The following ARHGAP32 variants were observed in gnomAD, a reference collection of about 807,000 sequenced individuals.
ARHGAP32 encodes Rho GTPase activating protein 32.
A neutral mutation model predicts 186.5 loss-of-function variants in ARHGAP32; 51 were observed. The observed-to-expected ratio is 0.27, with a 90% CI of 0.22 to 0.35. ARHGAP32 has a LOEUF of 0.35. ARHGAP32 is among the 10% of genes least tolerant of loss of function. The probability of loss-of-function intolerance (pLI) is 1.00; values close to 1 mark genes in which losing one functional copy is unlikely to be tolerated. For missense variants in ARHGAP32, 2,186 were observed against 2,623.5 expected, an observed-to-expected ratio of 0.83 and a Z score of 3.64; for synonymous variants, 950 against 964.3, an observed-to-expected ratio of 0.99 and a Z score of 0.27.
In ARHGAP32 at chr11:129,085,823, C is replaced by G. The variant is rs186122053; in HGVS notation, c.531+7798G>C. Among the ~76,000 whole-genome samples, 1,211 of 151,930 alleles carry G rather than the reference C, an allele frequency of 8.0e-3. 8 individuals are homozygous for G. The highest frequency in any genetic ancestry group is 0.031 in the South Asian group (149 of 4,820). On this transcript the variant is annotated intron_variant, in intron 6 of 22. Coordinates refer to ENST00000682385, the MANE Select transcript of ARHGAP32 (RefSeq NM_001378024.1). ...CCTGGCTAACATGGTGAAACCCTGT[C>G]GCTACTAAAAATACAAAAAAATTAG...
Position 129,184,989 on chromosome 11 carries a change from G to GAC in ARHGAP32, c.116+7092_116+7093dup, listed in dbSNP as rs542407475. Among the ~76,000 whole-genome samples, 632 of 152,170 alleles carry GAC rather than the reference G, an allele frequency of 4.2e-3. 3 individuals carry two copies. Among genetic ancestry groups the GAC allele is most frequent in the South Asian group, 0.023 (110 of 4,828 alleles). ...AGAAGCAACATAAACACTAAACAAT[G>GAC]ACACACTGTTGGTGGGACTGTAAAC... On this transcript the variant is annotated intron_variant, in intron 1 of 22. Transcript: ENST00000682385.
chr11:129,080,069 T>C (rs766795091), intron 6 of ARHGAP32, among the ~76,000 whole-genome samples: 10 of 152,116 alleles, frequency 6.6e-5, no homozygotes, highest in African/African-American at 1.9e-4. Context: ...CCTAAATATA[T>C]ATGCACCTAA....
At chr11:129,010,793 C>A (rs1018824829) in intron 11 of ARHGAP32, among the ~76,000 whole-genome samples, 1 of 152,144 alleles carries the variant, frequency 6.6e-6, no homozygotes, top group Admixed American at 6.5e-5. Flanking sequence ...GTAAAAGCTT[C>A]TGATTTCTGT....
chr11:129,200,689 G>C (rs779077973), intron 1 of ARHGAP32, among the ~76,000 whole-genome samples: 2 of 151,976 alleles, frequency 1.3e-5, no homozygotes, highest in Non-Finnish European at 2.9e-5. Context: ...TCTCAGTTTC[G>C]TAATCTCTAA....
At chr11:129,193,575 T>TATATATTATATATATTATATA (rs1565464566), upstream of ARHGAP32, among the ~76,000 whole-genome samples, 2 of 54,028 alleles carry the variant, frequency 3.7e-5, no homozygotes, top group Non-Finnish European at 3.3e-5. Flanking sequence ...ATATAATATA[T>TATATATTATATATATTATATA]ATATATTATA....
At chr11:129,200,506 T>A (rs1372912282) in intron 1 of ARHGAP32, among the ~76,000 whole-genome samples, 1 of 152,202 alleles carries the variant, frequency 6.6e-6, no homozygotes, top group Non-Finnish European at 1.5e-5. Flanking sequence ...CTTTCTCTTG[T>A]CTGCTCCCAC....
intron 10 of ARHGAP32, among the ~76,000 whole-genome samples, chr11:129,056,198 T>A (rs1050748498): frequency 6.6e-6 from 1 of 151,888 alleles, no homozygotes; most frequent in African/African-American, 2.4e-5. Context: ...GTGAGGGGAG[T>A]GGGCAGGGGT....
intron 21 of ARHGAP32, 32 bp downstream of exon 21, chr11:128,974,092 T>G: frequency 6.2e-7 from 1 of 1,606,174 alleles, no homozygotes; most frequent in Non-Finnish European, 8.5e-7. Flanking sequence ...CCCTCTTAAC[T>G]TAAAGAAAGA....
intron 1 of ARHGAP32, among the ~76,000 whole-genome samples, chr11:129,265,551 A>C (rs1418106015): frequency 6.6e-6 from 1 of 152,206 alleles, no homozygotes; most frequent in African/African-American, 2.4e-5. Context: ...CCTGGATTTA[A>C]AGTATGAATC....
In ARHGAP32 at chr11:128,973,228, G is replaced by A. The variant is rs774395472; in HGVS notation, c.3278C>T (p.Thr1093Ile). ...AGAACTGGACAGATTATCTTCAGTT[G>A]TAGCCACCGCTATGTCTCCATAATT... The part of the protein sequence containing the change: ...YTNYGDIAVA[T>I]TEDNLSSSYS... The change falls in exon 22 of 23, where the codon ACA (threonine) becomes ATA (isoleucine). Residue 1093 changes from threonine (T) to isoleucine (I), a missense_variant. This residue lies in a region of ARHGAP32 where 1,502 missense variants were observed against 1,570.0 expected (regional missense o/e 0.96). Transcript: ENST00000682385. 1.2e-6 allele frequency: 2 copies of A among 1,614,210 alleles called. No individual in the cohort carries two copies. Among genetic ancestry groups the A allele is most frequent in the South Asian group, 1.1e-5 (1 of 91,088 alleles).
At chr11:129,161,786 C>T (rs1943535553) in intron 2 of ARHGAP32, among the ~76,000 whole-genome samples, 1 of 152,114 alleles carries the variant, frequency 6.6e-6, no homozygotes, top group Admixed American at 6.6e-5. Context: ...CCCAGCAATC[C>T]CATTACTAGG....
chr11:129,251,561 A>G (rs1945183041), intron 1 of ARHGAP32, among the ~76,000 whole-genome samples: 1 of 152,186 alleles, frequency 6.6e-6, no homozygotes, highest in Non-Finnish European at 1.5e-5. Flanking sequence ...AAACACATCA[A>G]CAATATATGA....
At chr11:129,161,294 A>G (rs1368633014) in intron 2 of ARHGAP32, among the ~76,000 whole-genome samples, 1 of 152,192 alleles carries the variant, frequency 6.6e-6, no homozygotes, top group Non-Finnish European at 1.5e-5. Flanking sequence ...AAAAAAGCCA[A>G]AATTGACAAA....
intron 1 of ARHGAP32, among the ~76,000 whole-genome samples, chr11:129,231,366 G>A (rs1944856603): frequency 2.0e-5 from 3 of 152,014 alleles, no homozygotes; most frequent in African/African-American, 4.8e-5. Flanking sequence ...GGAAGTTAGT[G>A]TATTTCCAAA....
At chr11:129,097,893 A>T (rs1199916328) in intron 5 of ARHGAP32, among the ~76,000 whole-genome samples, 1 of 152,202 alleles carries the variant, frequency 6.6e-6, no homozygotes, top group Non-Finnish European at 1.5e-5. Flanking sequence ...CAAAATACAA[A>T]GACAAGGAGG....
rs57291313 is a variant in ARHGAP32, at chr11:129,235,900, AACACAC to A, written c.-5+43240_-5+43245del. 2.2e-3 allele frequency among the ~76,000 whole-genome samples: 314 copies of A among 145,752 alleles called. 1 individual carries two copies. The highest frequency in any genetic ancestry group is 0.01 in the East Asian group (50 of 4,946). On this transcript the variant is annotated intron_variant, in intron 1 of 6. Transcript: ENST00000525234. ...TGCAAATGCCATTATGTCATTCATA[AACACAC>A]ACACACACACACACACACACACACA...
At position 128,970,305 on chromosome 11, in the gene ARHGAP32, T is replaced by C. The variant is rs1335973911; in HGVS notation, c.4908A>G (p.Pro1636=). The change falls in exon 23 of 23, where the codon CCA becomes CCG. Residue 1636 remains proline (P), a synonymous_variant. Transcript: ENST00000682385. This position sits in a 1 kb window ranked among gnomAD's most constrained non-coding sequence, Gnocchi z 5.8. ...YCPRPLYQYK[P]YQSSQARSDY... is the part of the protein sequence containing the mutation. ...CTGAGCGGGCCTGGGAGGACTGATA[T>C]GGCTTATATTGGTACAGAGGTCTTG... 3 of 1,614,126 alleles carry C rather than the reference T, an allele frequency of 1.9e-6. No individual in the cohort carries two copies. Among genetic ancestry groups the C allele is most frequent in the Admixed American group, 1.7e-5 (1 of 60,006 alleles).
At chr11:129,163,660 T>C (rs1943574724) in intron 2 of ARHGAP32, among the ~76,000 whole-genome samples, 1 of 152,152 alleles carries the variant, frequency 6.6e-6, no homozygotes, top group Admixed American at 6.6e-5. Context: ...ATTTACCTAC[T>C]AATTATAACA....
intron 15 of ARHGAP32, among the ~76,000 whole-genome samples, chr11:128,982,320 G>A (rs1001966129): frequency 2.0e-5 from 3 of 152,122 alleles, no homozygotes; most frequent in Non-Finnish European, 4.4e-5. Flanking sequence ...GAAATAAAGA[G>A]CCTAATTCAA....
Sources: allele counts gnomAD v4.1 joint callset (sites outside exome capture counted in the v4.1 genomes callset), GRCh38; gene constraint gnomAD v4.1.1; regional missense constraint gnomAD v4.1.1; non-coding constraint Gnocchi (gnomAD v3.1); transcripts MANE v1.5; gene names NCBI Gene and HGNC (gene_info 2026-07-23, HGNC 2026-07-21).